PTPRK: variants seen among roughly 807,000 people sequenced by gnomAD.
The protein encoded by PTPRK is receptor-type tyrosine-protein phosphatase kappa.
In PTPRK, 75 loss-of-function variants were observed where a neutral mutation model predicts 178.0. That is an observed-to-expected ratio of 0.42 (90% CI 0.35 to 0.51). The LOEUF is 0.51. Among genes scored for constraint, PTPRK ranks in the 20% least tolerant of loss-of-function variants. The pLI is 0.02. For synonymous variants in PTPRK, 637 were observed against 620.6 expected, an observed-to-expected ratio of 1.03 and a Z score of -0.39; for missense variants, 1,441 against 1,797.8, an observed-to-expected ratio of 0.80 and a Z score of 3.59.
chr6:128,325,829 A>C (rs187087498), intron 2 of PTPRK, among the ~76,000 whole-genome samples: 1 of 152,336 alleles, frequency 6.6e-6, no homozygotes, highest in Non-Finnish European at 1.5e-5. Context: ...GTATATATCC[A>C]AAGGATTATA....
At chr6:128,488,048 C>G (rs1853223524) in intron 1 of PTPRK, among the ~76,000 whole-genome samples, 1 of 152,124 alleles carries the variant, frequency 6.6e-6, no homozygotes, top group South Asian at 2.1e-4. Context: ...AGCTGAGAAG[C>G]AAGGAAGCCA....
At chr6:128,095,568 A>T (rs1368264185) in intron 7 of PTPRK, among the ~76,000 whole-genome samples, 1 of 152,158 alleles carries the variant, frequency 6.6e-6, no homozygotes, top group Non-Finnish European at 1.5e-5. Flanking sequence ...ATGACTGTTT[A>T]TTTCCCTTGG....
At chr6:128,140,099 A>T (rs1437691921) in intron 7 of PTPRK, among the ~76,000 whole-genome samples, 2 of 151,978 alleles carry the variant, frequency 1.3e-5, no homozygotes, top group African/African-American at 4.8e-5. Flanking sequence ...AAGTTGCAAC[A>T]TTGCTTCCAG....
intron 24 of PTPRK, 70 bp from the exon 25 acceptor site, chr6:127,981,359 G>A (rs959516468): frequency 1.2e-5 from 17 of 1,369,924 alleles, no homozygotes; most frequent in Non-Finnish European, 1.7e-5. Context: ...AGATCCATCA[G>A]GAATTTAGAA....
chr6:128,276,769 T>C (rs530319485), intron 3 of PTPRK, among the ~76,000 whole-genome samples: 1 of 152,228 alleles, frequency 6.6e-6, no homozygotes, highest in South Asian at 2.1e-4. Context: ...GTTCCCCAAA[T>C]ATTATTTCTC....
intron 1 of PTPRK, among the ~76,000 whole-genome samples, chr6:128,461,236 G>A (rs966231469): frequency 9.4e-5 from 14 of 149,602 alleles, no homozygotes; most frequent in African/African-American, 3.0e-4. Context: ...TATTCCGTGT[G>A]TGTGTGTGTG....
chr6:127,982,773 C>T, intron 24 of PTPRK, 58 bp downstream of exon 24: 2 of 1,481,436 alleles, frequency 1.4e-6, no homozygotes, highest in East Asian at 4.6e-5. Context: ...GAAAGGATTC[C>T]TAGCGCCCAG....
At chr6:128,405,644 T>C (rs1841565204) in intron 1 of PTPRK, among the ~76,000 whole-genome samples, 1 of 152,174 alleles carries the variant, frequency 6.6e-6, no homozygotes, top group Admixed American at 6.5e-5. Context: ...TTGTTTCTCC[T>C]GGAGAGATTA....
intron 22 of PTPRK, among the ~76,000 whole-genome samples, chr6:127,984,340 A>G (rs1051643691): frequency 6.6e-6 from 1 of 152,080 alleles, no homozygotes; most frequent in Non-Finnish European, 1.5e-5. Context: ...CCTCTATCTC[A>G]CCATATTTTG....
chr6:128,489,807 C>CT lies in PTPRK; in HGVS notation c.100+30451dup, dbSNP rs1343937421. Among the ~76,000 whole-genome samples, 4 of 152,202 alleles carry CT rather than the reference C, an allele frequency of 2.6e-5. No individual in the cohort carries two copies. The East Asian group carries it at 7.7e-4, about 29-fold the overall frequency. On this transcript the variant is annotated intron_variant, in intron 1 of 29. Transcript: ENST00000368226. ...AATGTTTAATGAGCTCAGAAATAAACTTTTTATAATTTCCCAGATCAACCC... is the reference window on the plus strand; with the variant it reads ...AATGTTTAATGAGCTCAGAAATAAACTTTTTTATAATTTCCCAGATCAACCC...
chr6:128,033,049 T>C (rs1240255498), intron 13 of PTPRK, among the ~76,000 whole-genome samples: 2 of 152,164 alleles, frequency 1.3e-5, no homozygotes, highest in African/African-American at 4.8e-5. Flanking sequence ...GGAAGGTAGG[T>C]GAAGATACTA....
intron 18 of PTPRK, among the ~76,000 whole-genome samples, chr6:127,994,475 C>A (rs1240503758): frequency 6.6e-6 from 1 of 151,702 alleles, no homozygotes; most frequent in East Asian, 1.9e-4. Flanking sequence ...TGAATTCTCA[C>A]AACAAAGTGA....
At chr6:128,232,488 A>G (rs1350660168) in intron 5 of PTPRK, among the ~76,000 whole-genome samples, 1 of 152,182 alleles carries the variant, frequency 6.6e-6, no homozygotes, top group Non-Finnish European at 1.5e-5. Context: ...TTGTAATTTT[A>G]CTACCTCCTG....
chr6:128,079,518 T>C (rs908174327), intron 10 of PTPRK, among the ~76,000 whole-genome samples: 5 of 152,070 alleles, frequency 3.3e-5, no homozygotes, highest in Non-Finnish European at 7.4e-5. Flanking sequence ...AATTTATAAT[T>C]TTTTTAAATA....
chr6:128,507,324 T>C (rs141450697), intron 1 of PTPRK, among the ~76,000 whole-genome samples: 1 of 152,284 alleles, frequency 6.6e-6, no homozygotes, highest in African/African-American at 2.4e-5. Flanking sequence ...AGGAAAAATT[T>C]ACACTTCTCC....
Position 128,423,004 on chromosome 6 carries a change from T to G in PTPRK, c.101-25316A>C, listed in dbSNP as rs370624857. Among the ~76,000 whole-genome samples the G allele has an allele frequency of 3.3e-5, 5 of 152,326 alleles. No homozygotes were observed. In the South Asian group the frequency reaches 6.2e-4, roughly 19 times the overall value. Reference sequence around the variant, plus strand: ...ATTTGGGAAGTCCAGCATCTCTGATTTAAAAAGAAGAAACTATTTGTAATT... The same window carrying G: ...ATTTGGGAAGTCCAGCATCTCTGATGTAAAAAGAAGAAACTATTTGTAATT... On this transcript the variant is annotated intron_variant, in intron 1 of 29. Coordinates refer to ENST00000368226, the MANE Select transcript of PTPRK (RefSeq NM_002844.4).
chr6:128,366,882 C>T (rs886499479), intron 2 of PTPRK, among the ~76,000 whole-genome samples: 19 of 152,114 alleles, frequency 1.2e-4, no homozygotes, highest in African/African-American at 3.4e-4. Context: ...CTATTCCCTT[C>T]ATCATGTTAC....
At chr6:128,402,267 T>A (rs1841122173) in intron 1 of PTPRK, among the ~76,000 whole-genome samples, 1 of 152,194 alleles carries the variant, frequency 6.6e-6, no homozygotes, top group African/African-American at 2.4e-5. Flanking sequence ...TTGTTTTTGT[T>A]TTTGTTTAGA....
intron 13 of PTPRK, chr6:128,062,460 G>A (rs1161441439): frequency 1.8e-5 from 3 of 166,832 alleles, no homozygotes; most frequent in Non-Finnish European, 4.4e-5. Context: ...TTAGACCAGG[G>A]CAGAAACATT....
Sources: gnomAD v4.1 joint callset for allele counts (sites outside exome capture counted in the v4.1 genomes callset) on GRCh38, gnomAD v4.1.1 for gene constraint, MANE v1.5 for transcripts, NCBI Gene and HGNC (gene_info 2026-07-23, HGNC 2026-07-21) for gene names.